The following BEST3 variants were observed in gnomAD, a reference collection of about 807,000 sequenced individuals.
BEST3 encodes the protein bestrophin 3, also known as bestrophin-3.
Under a neutral mutation model 47.1 loss-of-function variants are expected in BEST3, and 50 were observed. The ratio of observed to expected loss-of-function variants is 1.06; its 90% CI spans 0.85 to 1.34. The LOEUF is 1.34. BEST3 is among the 40% of genes most tolerant of loss of function. The pLI, the probability that BEST3 is intolerant of heterozygous loss-of-function variation, is 0.00. For missense variants in BEST3, 765 were observed against 817.0 expected (o/e 0.94, Z 0.78); for synonymous variants, 282 against 298.8 (o/e 0.94, Z 0.58).
intron 2 of BEST3, among the ~76,000 whole-genome samples, chr12:69,696,671 A>T (rs1251345512): frequency 6.6e-6 from 1 of 152,178 alleles, no homozygotes; most frequent in East Asian, 1.9e-4. Context: ...TACTTTTAAT[A>T]ATTATCAGTC....
At chr12:69,676,419 TA>T (rs35764914) in intron 7 of BEST3, among the ~76,000 whole-genome samples, 322 of 141,680 alleles carry the variant, frequency 2.3e-3, no homozygotes, top group Non-Finnish European at 1.9e-3. Context: ...TCAGGGAAAG[TA>T]AAAAAAAAAA....
chr12:69,653,465 ACT>A (rs767780539), downstream of BEST3: 7 of 248,990 alleles, frequency 2.8e-5, no homozygotes, highest in Non-Finnish European at 6.4e-6. Context: ...GAAGATGAAC[ACT>A]GTCACTTCTC....
intron 9 of BEST3, among the ~76,000 whole-genome samples, chr12:69,667,592 G>T (rs966998674): frequency 1.7e-4 from 26 of 152,080 alleles, no homozygotes; most frequent in African/African-American, 6.0e-4. Context: ...CACCATGCCC[G>T]CCTCCTAACT....
chr12:69,666,182 C>T (rs569888561), intron 9 of BEST3, among the ~76,000 whole-genome samples: 1 of 152,206 alleles, frequency 6.6e-6, no homozygotes, highest in South Asian at 2.1e-4. Flanking sequence ...ACCATGCCGG[C>T]TAATTTTTGT....
intron 4 of BEST3, chr12:69,689,025 T>G (rs1238525763): frequency 8.7e-6 from 8 of 920,998 alleles, no homozygotes; most frequent in Non-Finnish European, 7.8e-6. Flanking sequence ...CCTCGTGCCC[T>G]TAACCTTGTC....
Position 69,697,022 on chromosome 12 carries a change from A to G in BEST3, c.152+625T>C, listed in dbSNP as rs78396622. On this transcript the variant is annotated intron_variant, in intron 2 of 9. Transcript: ENST00000330891. ...ATTGCTCAAATTTCCTGTCAATCTG[A>G]CAGGCATATGTTGTAATGTTATAAA... 3.6e-3 allele frequency among the ~76,000 whole-genome samples: 553 copies of G among 152,314 alleles called. 3 individuals are homozygous for G. The highest frequency in any genetic ancestry group is 0.01 in the Middle Eastern group (3 of 294).
chr12:69,669,064 C>T (rs1197091578), intron 9 of BEST3, among the ~76,000 whole-genome samples: 7 of 152,080 alleles, frequency 4.6e-5, no homozygotes, highest in Admixed American at 3.9e-4. Context: ...AAGCTAGGCT[C>T]GTCTCTGGAT....
At chr12:69,673,170 G>A (rs2135967452) in intron 7 of BEST3, among the ~76,000 whole-genome samples, 1 of 152,322 alleles carries the variant, frequency 6.6e-6, no homozygotes, top group South Asian at 2.1e-4. Flanking sequence ...TCGTAGGTAT[G>A]CTCTCCAAAT....
chr12:69,648,905 CAGAA>C (rs768488766), downstream of BEST3, among the ~76,000 whole-genome samples: 17 of 152,188 alleles, frequency 1.1e-4, no homozygotes, highest in Non-Finnish European at 2.2e-4. Context: ...GTTCAGTCCT[CAGAA>C]AGACACATAT....
At chr12:69,671,269 A>T (rs967127680) in intron 9 of BEST3, among the ~76,000 whole-genome samples, 159 bp downstream of exon 9, 1 of 152,156 alleles carries the variant, frequency 6.6e-6, no homozygotes, top group South Asian at 2.1e-4. Context: ...GGCTCAAGCA[A>T]TCCTCCAACT....
In BEST3 at chr12:69,671,581, T is replaced by C. The variant is rs1884578447; in HGVS notation, c.949-2A>G. ...TTCGTCCACAGCTAAAAGAGAGACC[T>C]AAAATCATTGTTATATTGTTAGAAT... On this transcript the variant is annotated splice_acceptor_variant, in intron 8 of 9. Coordinates refer to ENST00000330891, the MANE Select transcript of BEST3 (RefSeq NM_032735.3). LOFTEE classifies it high-confidence loss of function. The C allele has an allele frequency of 6.2e-7, 1 of 1,612,340 alleles. No individual in the cohort carries two copies. The highest frequency in any genetic ancestry group is 8.5e-7 in the Non-Finnish European group (1 of 1,179,044).
At chr12:69,687,166 A>G (rs1184398052) in intron 4 of BEST3, 1 of 152,266 alleles carries the variant, frequency 6.6e-6, no homozygotes. Flanking sequence ...TTATAGGGCT[A>G]GACTTAGAGC....
chr12:69,651,445 A>C (rs1316064034), downstream of BEST3, among the ~76,000 whole-genome samples: 1 of 152,168 alleles, frequency 6.6e-6, no homozygotes, highest in Non-Finnish European at 1.5e-5. Context: ...CAGAGAGTAG[A>C]TTTTATGACA....
At chr12:69,647,333 A>G (rs55982472) in intron 9 of BEST3, among the ~76,000 whole-genome samples, 16,212 of 152,206 alleles carry the variant, frequency 0.11, 1,142 homozygotes, top group Middle Eastern at 0.16. Context: ...GAGTTGGCCG[A>G]TTTTTAGTCG....
At chr12:69,645,445 G>C (rs1883001893) in intron 9 of BEST3, among the ~76,000 whole-genome samples, 1 of 152,196 alleles carries the variant, frequency 6.6e-6, no homozygotes, top group South Asian at 2.1e-4. Context: ...AATAAATGTT[G>C]GTTTCCCAAG....
chr12:69,681,402 G>A (rs1885246941), intron 4 of BEST3, among the ~76,000 whole-genome samples: 1 of 151,834 alleles, frequency 6.6e-6, no homozygotes, highest in Non-Finnish European at 1.5e-5. Context: ...GGATTACTTA[G>A]GCCAGGAGTT....
intron 9 of BEST3, among the ~76,000 whole-genome samples, chr12:69,663,916 A>G (rs1884022045): frequency 6.6e-6 from 1 of 152,228 alleles, no homozygotes; most frequent in Non-Finnish European, 1.5e-5. Flanking sequence ...CAAGCAAAAC[A>G]GAGTCAACTG....
chr12:69,685,646 G>A (rs1483589445), intron 4 of BEST3, among the ~76,000 whole-genome samples: 2 of 152,156 alleles, frequency 1.3e-5, no homozygotes, highest in African/African-American at 4.8e-5. Flanking sequence ...AGCATTCTCA[G>A]TCTGGGTCAA....
intron 7 of BEST3, among the ~76,000 whole-genome samples, chr12:69,674,127 G>A (rs752667774): frequency 6.6e-6 from 1 of 152,002 alleles, no homozygotes; most frequent in Non-Finnish European, 1.5e-5. Flanking sequence ...ATTTTACATT[G>A]AGTCTAGATG....
Sources: gnomAD v4.1 joint callset for allele counts (sites outside exome capture counted in the v4.1 genomes callset) on GRCh38, gnomAD v4.1.1 for gene constraint, MANE v1.5 for transcripts, NCBI Gene and HGNC (gene_info 2026-07-23, HGNC 2026-07-21) for gene names.